Variants in SDK1 observed in about 807,000 individuals in gnomAD.
The protein encoded by SDK1 is protein sidekick-1.
A neutral mutation model predicts 245.5 loss-of-function variants in SDK1; 157 were observed. The ratio of observed to expected loss-of-function variants is 0.64; its 90% CI spans 0.56 to 0.73. The LOEUF is 0.73. Ranked by LOEUF, SDK1 falls within the 30% of genes least tolerant of loss-of-function variation. The pLI is 0.00. For synonymous variants in SDK1, 1,647 were observed against 1,278.5 expected (o/e 1.29, Z -6.15); for missense variants, 3,583 against 3,002.3 (o/e 1.19, Z -4.52).
At chr7:3,640,193 T>C (rs1782607144) in intron 3 of SDK1, among the ~76,000 whole-genome samples, 1 of 152,226 alleles carries the variant, frequency 6.6e-6, no homozygotes, top group Admixed American at 6.5e-5. Flanking sequence ...AATTTCTCTT[T>C]GTTTAAAAGT....
intron 4 of SDK1, among the ~76,000 whole-genome samples, chr7:3,693,736 G>T (rs1346344652): frequency 6.6e-6 from 1 of 152,158 alleles, no homozygotes; most frequent in East Asian, 1.9e-4. Context: ...CATCCCTGGA[G>T]TATCTGGGAA....
At chr7:3,942,520 A>C (rs1304809485) in intron 5 of SDK1, among the ~76,000 whole-genome samples, 2 of 152,230 alleles carry the variant, frequency 1.3e-5, no homozygotes, top group African/African-American at 2.4e-5. Flanking sequence ...AAAGATTTAA[A>C]AGAAGCCAAA....
At chr7:3,687,318 G>A (rs1298712000) in intron 4 of SDK1, among the ~76,000 whole-genome samples, 1 of 151,908 alleles carries the variant, frequency 6.6e-6, no homozygotes, top group African/African-American at 2.4e-5. Context: ...TAGGAGAGAT[G>A]GGGTTTCACT....
chr7:3,427,130 T>G (rs1409562033), intron 1 of SDK1, among the ~76,000 whole-genome samples: 1 of 152,226 alleles, frequency 6.6e-6, no homozygotes, highest in Non-Finnish European at 1.5e-5. Context: ...AGTATTCCCA[T>G]GACCTTTGAA....
At chr7:3,303,311 A>G (rs981955121) in intron 1 of SDK1, among the ~76,000 whole-genome samples, 2 of 152,094 alleles carry the variant, frequency 1.3e-5, no homozygotes, top group Admixed American at 1.3e-4. Context: ...TGACCTTTAA[A>G]ATAATGTGTT....
At chr7:4,209,607 G>C (rs1221390512) in intron 37 of SDK1, among the ~76,000 whole-genome samples, 1 of 152,194 alleles carries the variant, frequency 6.6e-6, no homozygotes, top group Non-Finnish European at 1.5e-5. Context: ...CTCTGAGGGA[G>C]AGGCGAGGAG....
intron 13 of SDK1, among the ~76,000 whole-genome samples, chr7:3,980,749 C>G (rs1165633897): frequency 6.6e-6 from 1 of 152,174 alleles, no homozygotes; most frequent in Non-Finnish European, 1.5e-5. Flanking sequence ...CAAGACCAGC[C>G]TGGCCAAGAT....
At chr7:3,794,578 A>C (rs1038552406) in intron 4 of SDK1, among the ~76,000 whole-genome samples, 39 of 152,178 alleles carry the variant, frequency 2.6e-4, no homozygotes, top group African/African-American at 8.7e-4. Flanking sequence ...TTGTAAGAAG[A>C]GGAAGAGGGA....
chr7:4,084,344 G>A (rs1781286619), intron 22 of SDK1, among the ~76,000 whole-genome samples: 1 of 152,154 alleles, frequency 6.6e-6, no homozygotes, highest in Non-Finnish European at 1.5e-5. Flanking sequence ...TCAGTCACCT[G>A]CAGTCATTAT....
chr7:3,420,867 C>T (rs775077328), intron 1 of SDK1, among the ~76,000 whole-genome samples: 53 of 152,196 alleles, frequency 3.5e-4, no homozygotes, highest in Non-Finnish European at 6.9e-4. Context: ...AGTATTAAAC[C>T]CCACATGCAT....
In SDK1 at chr7:3,953,170, G is replaced by GAA. The variant is rs35344518; in HGVS notation, c.1150+1263_1150+1264dup. Among the ~76,000 whole-genome samples the GAA allele has an allele frequency of 1.3e-3, 170 of 135,578 alleles. 1 individual carries two copies. The highest frequency in any genetic ancestry group is 3.6e-3 in the Middle Eastern group (1 of 278). 88.9% of individuals were successfully genotyped at this position (135,578 alleles called of 152,430 possible). On this transcript the variant is annotated intron_variant, in intron 7 of 44. Coordinates refer to ENST00000404826, the MANE Select transcript of SDK1 (RefSeq NM_152744.4). ...GCAGTCTGCCACTTTGCAAAATAAG[G>GAA]AAAAAAAAAAAAAAGCTTGTGTTTT...
intron 1 of SDK1, among the ~76,000 whole-genome samples, chr7:3,584,775 G>T (rs1390838927): frequency 6.6e-6 from 1 of 151,596 alleles, no homozygotes; most frequent in Non-Finnish European, 1.5e-5. Context: ...CCAGGCTGGA[G>T]TGCAGTGGCG....
intron 4 of SDK1, among the ~76,000 whole-genome samples, chr7:3,667,798 G>T (rs1783579949): frequency 6.6e-6 from 1 of 152,158 alleles, no homozygotes; most frequent in Non-Finnish European, 1.5e-5. Flanking sequence ...TTATTCATAA[G>T]TAGTATTTTA....
chr7:3,651,521 G>A (rs1048044745), intron 4 of SDK1, among the ~76,000 whole-genome samples: 2 of 152,020 alleles, frequency 1.3e-5, no homozygotes, highest in African/African-American at 4.8e-5. Flanking sequence ...AAAACACAGA[G>A]GAAAAAATAT....
intron 1 of SDK1, among the ~76,000 whole-genome samples, chr7:3,380,963 C>G (rs1210932150): frequency 6.6e-6 from 1 of 152,160 alleles, no homozygotes; most frequent in South Asian, 2.1e-4. Flanking sequence ...GTTTTTCAAA[C>G]TGGAGCACAT....
chr7:3,658,458 T>C (rs1783255885), intron 4 of SDK1, among the ~76,000 whole-genome samples: 1 of 152,068 alleles, frequency 6.6e-6, no homozygotes, highest in South Asian at 2.1e-4. Flanking sequence ...GATACAGCCA[T>C]CTTTTAGTTC....
chr7:3,484,790 A>C (rs1280217019), intron 1 of SDK1, among the ~76,000 whole-genome samples: 2 of 152,178 alleles, frequency 1.3e-5, no homozygotes, highest in Non-Finnish European at 2.9e-5. Context: ...ACTTTCGCTT[A>C]ATGTCCTCCA....
intron 5 of SDK1, among the ~76,000 whole-genome samples, chr7:3,921,722 T>C (rs1307331910): frequency 6.6e-6 from 1 of 152,074 alleles, no homozygotes; most frequent in Non-Finnish European, 1.5e-5. Context: ...TCCCAGCACT[T>C]TGGGAGGCCG....
chr7:3,490,798 T>C lies in SDK1; in HGVS notation c.299-128282T>C, dbSNP rs147612760. 5.6e-4 allele frequency among the ~76,000 whole-genome samples: 86 copies of C among 152,250 alleles called. 2 individuals carry two copies. The highest frequency in any genetic ancestry group is 1.1e-3 in the Non-Finnish European group (73 of 68,008). ...ATTGGAGGGGGCTGCACATCCCACATTTGGGTAGATGCCCAAATTCTCCTT... is the reference window on the plus strand; with the variant it reads ...ATTGGAGGGGGCTGCACATCCCACACTTGGGTAGATGCCCAAATTCTCCTT... On this transcript the variant is annotated intron_variant, in intron 1 of 44. Transcript: ENST00000404826.
Sources: gnomAD v4.1 joint callset for allele counts (sites outside exome capture counted in the v4.1 genomes callset) on GRCh38, gnomAD v4.1.1 for gene constraint, MANE v1.5 for transcripts, NCBI Gene and HGNC (gene_info 2026-07-23, HGNC 2026-07-21) for gene names.